Variants in HIP1 observed in about 807,000 individuals in gnomAD.
HIP1 encodes huntingtin-interacting protein 1.
A neutral mutation model predicts 147.6 loss-of-function variants in HIP1; 65 were observed. That is an observed-to-expected ratio of 0.44 (90% CI 0.36 to 0.54). HIP1 has a LOEUF of 0.54. Among genes scored for constraint, HIP1 ranks in the 20% least tolerant of loss-of-function variants. HIP1 has a pLI of 0.00. For synonymous variants in HIP1, 479 were observed against 504.0 expected, an observed-to-expected ratio of 0.95 and a Z score of 0.67; for missense variants, 1,061 against 1,299.6, an observed-to-expected ratio of 0.82 and a Z score of 2.82.
At chr7:75,623,196 TCAAAAAAAAAAAG>T (rs1250092927) in intron 1 of HIP1, among the ~76,000 whole-genome samples, 24 of 60,742 alleles carry the variant, frequency 4.0e-4, no homozygotes, top group Admixed American at 9.2e-4. Flanking sequence ...GGACTCCATC[TCAAAAAAAAAAAG>T]CAAAAAAAAA....
chr7:75,577,572 G>C (rs1045691558), intron 7 of HIP1, among the ~76,000 whole-genome samples: 7 of 152,152 alleles, frequency 4.6e-5, no homozygotes, highest in East Asian at 1.9e-4. Context: ...CTGGTAGCCT[G>C]CTGTTTTTCA....
chr7:75,639,598 CGCGTGTGTGTGCAG>C (rs1158247133), intron 1 of HIP1, among the ~76,000 whole-genome samples: 3 of 137,554 alleles, frequency 2.2e-5, no homozygotes, highest in Non-Finnish European at 3.1e-5. Context: ...TGTGTGCGCC[CGCGTGTGTGTGCAG>C]GCGTGCGTGT....
intron 1 of HIP1, among the ~76,000 whole-genome samples, chr7:75,728,728 T>C (rs1428575741): frequency 6.7e-6 from 1 of 149,106 alleles, no homozygotes; most frequent in African/African-American, 2.5e-5. Context: ...TTTTTAATCT[T>C]CTTTTTCAGA....
At chr7:75,575,396 G>T (rs1024738366) in intron 7 of HIP1, among the ~76,000 whole-genome samples, 2 of 152,068 alleles carry the variant, frequency 1.3e-5, no homozygotes, top group Non-Finnish European at 2.9e-5. Flanking sequence ...GAAGGTGGAG[G>T]TTGCAGTGAG....
chr7:75,610,103 A>T (rs910528568), intron 1 of HIP1, among the ~76,000 whole-genome samples: 1 of 150,988 alleles, frequency 6.6e-6, no homozygotes, highest in African/African-American at 2.4e-5. Context: ...GGGTTTCGCC[A>T]TGTTGGCCAG....
At chr7:75,593,036 A>G (rs1554501100) in intron 2 of HIP1, among the ~76,000 whole-genome samples, 1 of 152,116 alleles carries the variant, frequency 6.6e-6, no homozygotes. Flanking sequence ...TGGTGTGATC[A>G]TAGCTCACTG....
intron 1 of HIP1, among the ~76,000 whole-genome samples, chr7:75,717,613 C>T (rs533077950): frequency 6.7e-6 from 1 of 149,470 alleles, no homozygotes; most frequent in East Asian, 2.0e-4. Flanking sequence ...AGGCAGATCA[C>T]TCGAGGTCCG....
rs188163315 is a variant in HIP1, at chr7:75,659,380, C to T, written c.121-60133G>A. ...CTGTTATTAGAAACATAAGCAGGGC[C>T]GGCCATGGTGGCTTACACCTGTAAT... is the stretch of plus-strand genomic sequence containing the variant. On this transcript the variant is annotated intron_variant, in intron 1 of 30. Transcript: ENST00000336926. Among the ~76,000 whole-genome samples the T allele has an allele frequency of 9.2e-5, 14 of 152,272 alleles. No individual in the cohort carries two copies. The East Asian group carries it at 1.9e-3, about 21-fold the overall frequency.
chr7:75,558,453 CCA>C (rs1325524094), intron 14 of HIP1, among the ~76,000 whole-genome samples, 198 bp from the exon 15 acceptor site: 22 of 152,244 alleles, frequency 1.4e-4, no homozygotes, highest in Middle Eastern at 3.4e-3. Flanking sequence ...TCCTCCCACC[CCA>C]GTCTCCTGAG....
chr7:75,586,494 G>A (rs1796286147), intron 5 of HIP1, among the ~76,000 whole-genome samples: 1 of 152,132 alleles, frequency 6.6e-6, no homozygotes, highest in Admixed American at 6.6e-5. Context: ...GAGCCACCGT[G>A]CCTGGCCAGG....
chr7:75,642,553 AC>A (rs1798681962), intron 1 of HIP1, among the ~76,000 whole-genome samples: 1 of 151,104 alleles, frequency 6.6e-6, no homozygotes, highest in Non-Finnish European at 1.5e-5. Context: ...ACAAAACAAA[AC>A]CCTTCTATGG....
chr7:75,650,594 A>G (rs1423911055), intron 1 of HIP1, among the ~76,000 whole-genome samples: 2 of 152,082 alleles, frequency 1.3e-5, no homozygotes, highest in Admixed American at 6.6e-5. Context: ...CTGGAATTAC[A>G]GGTGCACACC....
chr7:75,596,850 A>C (rs1276204441), intron 2 of HIP1, among the ~76,000 whole-genome samples: 4 of 152,094 alleles, frequency 2.6e-5, no homozygotes, highest in Non-Finnish European at 4.4e-5. Context: ...GCAGCATGTG[A>C]CCTGACCCTG....
chr7:75,554,659 C>A, intron 19 of HIP1, 133 bp from the exon 20 acceptor site: 1 of 634,844 alleles, frequency 1.6e-6, no homozygotes, highest in Non-Finnish European at 2.8e-6. Context: ...CATGAGTAAT[C>A]ACCTCTTGAT....
intron 1 of HIP1, among the ~76,000 whole-genome samples, chr7:75,610,896 A>AAT (rs1176970315): frequency 6.1e-5 from 9 of 147,562 alleles, no homozygotes; most frequent in Non-Finnish European, 1.2e-4. Context: ...ATTTATATAA[A>AAT]ATATATATAT....
At chr7:75,643,371 C>A (rs1798707560) in intron 1 of HIP1, among the ~76,000 whole-genome samples, 1 of 152,162 alleles carries the variant, frequency 6.6e-6, no homozygotes, top group African/African-American at 2.4e-5. Flanking sequence ...GTGGCTCATG[C>A]CTGTAATCCC....
chr7:75,616,618 G>GGAGGAGGAGGAGGAA (rs1554506105), intron 1 of HIP1, among the ~76,000 whole-genome samples: 1 of 99,174 alleles, frequency 1.0e-5, no homozygotes, highest in African/African-American at 2.7e-5. Flanking sequence ...AGGAGGAAGA[G>GGAGGAGGAGGAGGAA]GAGGAGGACG....
In HIP1 at chr7:75,581,247, G is replaced by A. The variant is rs1554498526; in HGVS notation, c.594C>T (p.Leu198=). The change falls in exon 7 of 31, where the codon CTC becomes CTT. Residue 198 remains leucine (L), a synonymous_variant. Coordinates refer to ENST00000336926, the MANE Select transcript of HIP1 (RefSeq NM_005338.7). Reference sequence around the variant, plus strand: ...AGGGAAGAGACTCACCTGTTTGGAAGAGGTTGAGTTCACACTCCAGGTAGT... The same window carrying A: ...AGGGAAGAGACTCACCTGTTTGGAAAAGGTTGAGTTCACACTCCAGGTAGT... ...MFDYLECELN[L]FQTVFNSLDM... 6.2e-7 allele frequency: 1 copy of A among 1,610,510 alleles called. No homozygotes were observed. Among genetic ancestry groups the A allele is most frequent in the Non-Finnish European group, 8.5e-7 (1 of 1,177,946 alleles).
At position 75,556,014 on chromosome 7, in the gene HIP1, TCC is replaced by T; in HGVS notation, c.1827+10_1827+11del. 1 of 1,613,804 alleles carries T rather than the reference TCC, an allele frequency of 6.2e-7. No homozygotes were observed. The highest frequency in any genetic ancestry group is 8.5e-7 in the Non-Finnish European group (1 of 1,179,792). ...TCACAGGTGCTCGCTCGTGTCCATG[TCC>T]GTGACTTGCCTCTGTGCTGGCCAGT... On this transcript the variant is annotated intron_variant, in intron 18 of 30. Coordinates refer to ENST00000336926, the MANE Select transcript of HIP1 (RefSeq NM_005338.7).
Sources: gnomAD v4.1 joint callset for allele counts (sites outside exome capture counted in the v4.1 genomes callset) on GRCh38, gnomAD v4.1.1 for gene constraint, MANE v1.5 for transcripts, NCBI Gene and HGNC (gene_info 2026-07-23, HGNC 2026-07-21) for gene names.